The following MOV10L1 variants were observed in gnomAD, a reference collection of about 807,000 sequenced individuals.
MOV10L1 encodes the protein RNA helicase Mov10l1.
In MOV10L1, 110 loss-of-function variants were observed where a neutral mutation model predicts 143.8. The observed-to-expected ratio is 0.76, with a 90% CI of 0.66 to 0.90. The LOEUF (loss-of-function observed/expected upper bound fraction) is 0.90, where lower values mean the gene tolerates loss of function less well. Ranked by LOEUF, MOV10L1 falls within the 40% of genes least tolerant of loss-of-function variation. The pLI is 0.00. For synonymous variants in MOV10L1, 593 were observed against 581.1 expected (o/e 1.02, Z -0.29); for missense variants, 1,406 against 1,526.8 (o/e 0.92, Z 1.32).
At chr22:50,140,739 T>C (rs2062960561) in intron 15 of MOV10L1, among the ~76,000 whole-genome samples, 1 of 152,040 alleles carries the variant, frequency 6.6e-6, no homozygotes, top group African/African-American at 2.4e-5. Context: ...CTTTTTTTTT[T>C]TGAGACAGAG....
Position 50,114,420 on chromosome 22 carries a change from A to C in MOV10L1, c.924A>C (p.Lys308Asn). ...TTCCTCAAAACTTAGTCAGCTGTAAACTGGCTGGCTGGGATAAATCTAAAC... is the reference window on the plus strand; with the variant it reads ...TTCCTCAAAACTTAGTCAGCTGTAACCTGGCTGGCTGGGATAAATCTAAAC... ...GDIPQNLVSC[K>N]LAGWDKSKQF... Residue 308 changes from lysine to asparagine, a missense_variant, in exon 7 of 27, where the codon AAA becomes AAC. By Grantham distance (94) the Lys-to-Asn change is moderately conservative. Coordinates refer to ENST00000262794, the MANE Select transcript of MOV10L1 (RefSeq NM_018995.3). 6.2e-7 allele frequency: 1 copy of C among 1,614,134 alleles called. No homozygotes were observed. The highest frequency in any genetic ancestry group is 1.1e-5 in the South Asian group (1 of 91,086).
chr22:50,137,670 G>A (rs549074957), intron 15 of MOV10L1, among the ~76,000 whole-genome samples: 152 of 150,998 alleles, frequency 1.0e-3, no homozygotes, highest in African/African-American at 3.6e-3. Flanking sequence ...ATGCCACTGC[G>A]CTCCAGCCTG....
chr22:50,107,611 A>G (rs889503072), intron 3 of MOV10L1, among the ~76,000 whole-genome samples: 3 of 152,064 alleles, frequency 2.0e-5, no homozygotes, highest in Non-Finnish European at 4.4e-5. Flanking sequence ...CAGCCACTTC[A>G]TGTCACTGAA....
In MOV10L1 at chr22:50,090,075, G is replaced by C; in HGVS notation, c.-14G>C. 1 of 1,269,666 alleles carries C rather than the reference G, an allele frequency of 7.9e-7. No individual in the cohort carries two copies. The highest frequency in any genetic ancestry group is 9.9e-7 in the Non-Finnish European group (1 of 1,005,058). 78.7% of individuals were successfully genotyped at this position (1,269,666 alleles called of 1,614,324 possible). On this transcript the variant is annotated 5_prime_UTR_variant, in exon 1 of 27. Coordinates refer to ENST00000262794, the MANE Select transcript of MOV10L1 (RefSeq NM_018995.3). ...GGCAGCGGCGGTGACGGCAGCCTAG[G>C]CCGGGCGAGGGCCATGCTGAGCCTC...
At position 50,143,205 on chromosome 22, in the gene MOV10L1, T is replaced by TA. The variant is rs1446498446; in HGVS notation, c.2343dup (p.Glu782ArgfsTer26). 8.1e-6 allele frequency: 13 copies of TA among 1,613,996 alleles called. No individual in the cohort carries two copies. Among genetic ancestry groups the TA allele is most frequent in the Non-Finnish European group, 1.1e-5 (13 of 1,180,042 alleles). On this transcript the variant is annotated frameshift_variant, in exon 17 of 27. Transcript: ENST00000262794. LOFTEE classifies it high-confidence loss of function. ...GGTACTGGAAAGACAGTGACAATAA[T>TA]AGAGGCTGTTTTACAGGTAAGGACA...
At position 50,109,670 on chromosome 22, in the gene MOV10L1, CAAAAAA is replaced by C. The variant is rs35087419; in HGVS notation, c.743+843_743+848del. The C allele has an allele frequency of 6.4e-3, 686 of 107,298 alleles. 6 individuals are homozygous for C. The highest frequency in any genetic ancestry group is 0.024 in the African/African-American group (571 of 23,862). 6.6% of individuals were successfully genotyped at this position (107,298 alleles called of 1,614,324 possible). ...TGGGCGACAGAGCGAGACTCCTTCT[CAAAAAA>C]AAAAAAAAAAAAAAAATTAGCCGAG... On this transcript the variant is annotated intron_variant, in intron 5 of 26. Coordinates refer to ENST00000262794, the MANE Select transcript of MOV10L1 (RefSeq NM_018995.3).
At chr22:50,130,527 G>GGA (rs1056067295) in intron 13 of MOV10L1, among the ~76,000 whole-genome samples, 13 of 152,152 alleles carry the variant, frequency 8.5e-5, no homozygotes, top group African/African-American at 2.7e-4. Context: ...AGGGCAGGAT[G>GGA]GAGAGAGAGC....
In MOV10L1 at chr22:50,090,457, G is replaced by C. The variant is rs529417188; in HGVS notation, c.97+272G>C. On this transcript the variant is annotated intron_variant, in intron 1 of 26. Coordinates refer to ENST00000262794, the MANE Select transcript of MOV10L1 (RefSeq NM_018995.3). The stretch of plus-strand genomic sequence containing the variant: ...TCACTTTGTGTGTTTACGCCGAGCA[G>C]CTGCCAAGTCGTCTCTCCATGTCGT... 114 of 1,606,746 alleles carry C rather than the reference G, an allele frequency of 7.1e-5. No individual in the cohort carries two copies. The East Asian group carries it at 2.5e-3, about 36-fold the overall frequency.
Position 50,108,807 on chromosome 22 carries a change from G to C in MOV10L1, c.706G>C (p.Val236Leu). 1.2e-6 allele frequency: 2 copies of C among 1,614,204 alleles called. No homozygotes were observed. The highest frequency in any genetic ancestry group is 1.3e-5 in the African/African-American group (1 of 75,054). Residue 236 changes from valine (V) to leucine (L), a missense_variant, in exon 5 of 27, where the codon GTC (valine) becomes CTC (leucine). Transcript: ENST00000262794. ...GGTGGAGAGCAGCCAGTCATGCTAT[G>C]TCTGGAGGGCACTTTGTATGACCCT... Reference protein sequence around the residue: ...VVVESSQSCYVWRALCMTLVK... With the variant: ...VVVESSQSCYLWRALCMTLVK...
rs187313618 is a variant in MOV10L1, at chr22:50,115,385, C to T, written c.1259+139C>T. On this transcript the variant is annotated intron_variant, in intron 8 of 26. Coordinates refer to ENST00000262794, the MANE Select transcript of MOV10L1 (RefSeq NM_018995.3). ...TTCGAAACCAGCCTGGCCACCATGG[C>T]GAAACCCCGCCTCTACTAAAAATAC... The T allele has an allele frequency of 1.7e-4, 155 of 936,880 alleles. No homozygotes were observed. The African/African-American group carries it at 2.1e-3, about 13-fold the overall frequency. The allele number at this position is 936,880 out of a possible 1,614,324, so 58.0% of individuals were successfully genotyped here. A position where few individuals can be genotyped will look rare whatever the true frequency, so the allele number is the denominator to read the frequency against.
chr22:50,144,705 C>T (rs1322930803), intron 18 of MOV10L1, among the ~76,000 whole-genome samples: 1 of 151,832 alleles, frequency 6.6e-6, no homozygotes, highest in Non-Finnish European at 1.5e-5. Flanking sequence ...CCTCAGCCTC[C>T]CAAGTAGCTG....
At chr22:50,091,788 C>T (rs1403459674) in intron 1 of MOV10L1, among the ~76,000 whole-genome samples, 1 of 152,200 alleles carries the variant, frequency 6.6e-6, no homozygotes, top group African/African-American at 2.4e-5. Context: ...CTGTGCCCTT[C>T]TGAGGAAACT....
rs56110321 is a variant in MOV10L1 at position 50,149,821 on chromosome 22, G to A, written c.2727+107G>A. ...AGTCACAGCTGTACAGGGGTCAGGT[G>A]GAAGTGCCAAGGACCCCGAGGTGTT... On this transcript the variant is annotated intron_variant, in intron 20 of 26. Coordinates refer to ENST00000262794, the MANE Select transcript of MOV10L1 (RefSeq NM_018995.3). 2,298 of 1,034,046 alleles carry A rather than the reference G, an allele frequency of 2.2e-3. 8 individuals carry two copies. The highest frequency in any genetic ancestry group is 2.7e-3 in the Non-Finnish European group (1,939 of 705,324). 64.1% of individuals were successfully genotyped at this position (1,034,046 alleles called of 1,614,324 possible).
At chr22:50,133,047 C>A (rs1383135888) in intron 13 of MOV10L1, among the ~76,000 whole-genome samples, 8 of 133,124 alleles carry the variant, frequency 6.0e-5, no homozygotes, top group East Asian at 2.3e-4. Context: ...AAAAAAAAAA[C>A]CAAAGACAGT....
At position 50,153,180 on chromosome 22, in the gene MOV10L1, C is replaced by T. The variant is rs1324339508; in HGVS notation, c.3028C>T (p.Pro1010Ser). Residue 1010 changes from proline to serine, a missense_variant, in exon 22 of 27, where the codon CCT (proline) becomes TCT (serine). By Grantham distance (74) the Pro-to-Ser change is moderately conservative. Around this residue, in one of 3 missense-constraint regions of MOV10L1, gnomAD observed 1,233 missense variants for 1,351.4 expected, o/e 0.91. Transcript: ENST00000262794. ...CTCCTTGCTGGGCTGGGAGAAGTTG[C>T]CTAAGAAAGGCTTCCCTCTCATCTT... ...VTSLLGWEKL[P>S]KKGFPLIFHG... 8 of 1,613,924 alleles carry T rather than the reference C, an allele frequency of 5.0e-6. No homozygotes were observed. In the South Asian group the frequency reaches 7.7e-5, roughly 16 times the overall value.
rs765931365 is a variant in MOV10L1 at position 50,121,865 on chromosome 22, TTTG to T, written c.1569+1255_1569+1257del. Among the ~76,000 whole-genome samples the T allele has an allele frequency of 5.4e-4, 82 of 152,358 alleles. 1 individual carries two copies. The highest frequency in any genetic ancestry group is 1.8e-3 in the Admixed American group (27 of 15,300). ...AATCAGGAAATTTGAGTCCTCCAGCTTTGTTGTTCTTTGGCAGAATTTATTTTG... is the reference window on the plus strand; with the variant it reads ...AATCAGGAAATTTGAGTCCTCCAGCTTTGTTCTTTGGCAGAATTTATTTTG... On this transcript the variant is annotated intron_variant, in intron 10 of 26. Transcript: ENST00000262794.
intron 18 of MOV10L1, 29 bp downstream of exon 18, chr22:50,144,272 C>A: frequency 6.3e-7 from 1 of 1,575,098 alleles, no homozygotes. Context: ...CAGTGGGGGG[C>A]ACCAGAACCC....
intron 10 of MOV10L1, among the ~76,000 whole-genome samples, chr22:50,124,745 G>C (rs541179543): frequency 6.6e-6 from 1 of 152,234 alleles, no homozygotes; most frequent in South Asian, 2.1e-4. Flanking sequence ...AGACCACTCT[G>C]TGCTGCTTGC....
At chr22:50,148,298 C>T (rs1018854461) in intron 19 of MOV10L1, among the ~76,000 whole-genome samples, 5 of 152,220 alleles carry the variant, frequency 3.3e-5, no homozygotes, top group African/African-American at 9.7e-5. Context: ...CTGGGGTGGG[C>T]GAGCCAGGGA....
Sources: gnomAD v4.1 joint callset for allele counts (sites outside exome capture counted in the v4.1 genomes callset) on GRCh38, gnomAD v4.1.1 for gene constraint, gnomAD v4.1.1 regional missense constraint, MANE v1.5 for transcripts, NCBI Gene and HGNC (gene_info 2026-07-23, HGNC 2026-07-21) for gene names.